The following IL1R1 variants were observed in gnomAD, a reference collection of about 807,000 sequenced individuals.
IL1R1 encodes the protein interleukin-1 receptor type 1.
IL1R1 carries 22 observed loss-of-function variants against 50.2 expected under a neutral mutation model. That is an observed-to-expected ratio of 0.44 (90% CI 0.31 to 0.63). The LOEUF is 0.63. IL1R1 is among the 20% of genes least tolerant of loss of function. IL1R1 has a pLI of 0.07. For synonymous variants in IL1R1, 251 were observed against 236.7 expected (o/e 1.06, Z -0.55); for missense variants, 509 against 676.2 (o/e 0.75, Z 2.74).
chr2:102,141,427 C>T (rs2871448), upstream of IL1R1, among the ~76,000 whole-genome samples: 1 of 152,228 alleles, frequency 6.6e-6, no homozygotes, highest in African/African-American at 2.4e-5. Context: ...AAGGAATTCT[C>T]TTAATGCTAC....
At chr2:102,118,547 T>C (rs1681220164) in intron 1 of IL1R1, among the ~76,000 whole-genome samples, 1 of 152,128 alleles carries the variant, frequency 6.6e-6, no homozygotes, top group African/African-American at 2.4e-5. Flanking sequence ...GTATCTGAAA[T>C]GGGGGGCAGT....
At chr2:102,172,604 A>G in intron 8 of IL1R1, 83 bp from the exon 9 acceptor site, 1 of 1,219,728 alleles carries the variant, frequency 8.2e-7, no homozygotes, top group Non-Finnish European at 1.1e-6. Context: ...GTCACAAATA[A>G]GGAAATACAC....
At chr2:102,171,744 T>G in intron 7 of IL1R1, 57 bp from the exon 8 acceptor site, 1 of 1,004,540 alleles carries the variant, frequency 1.0e-6, no homozygotes, top group Non-Finnish European at 1.5e-6. Flanking sequence ...CATTTATTAA[T>G]CTAGATAGAT....
intron 1 of IL1R1, among the ~76,000 whole-genome samples, chr2:102,116,567 C>T (rs1264076392): frequency 6.6e-6 from 1 of 152,108 alleles, no homozygotes; most frequent in Non-Finnish European, 1.5e-5. Flanking sequence ...TTCATAAGTG[C>T]TGTTGGTGAT....
chr2:102,169,597 C>A (rs1396346474), intron 7 of IL1R1, among the ~76,000 whole-genome samples: 1 of 152,200 alleles, frequency 6.6e-6, no homozygotes, highest in Non-Finnish European at 1.5e-5. Flanking sequence ...GAATTGTCCT[C>A]TGTAATAGTA....
At chr2:102,124,931 A>G (rs985257896) in intron 1 of IL1R1, among the ~76,000 whole-genome samples, 5 of 150,830 alleles carry the variant, frequency 3.3e-5, no homozygotes, top group African/African-American at 1.2e-4. Flanking sequence ...ATAAAAAAAA[A>G]TAAGACCTCC....
At chr2:102,140,935 G>A (rs193207013), upstream of IL1R1, among the ~76,000 whole-genome samples, 536 of 152,326 alleles carry the variant, frequency 3.5e-3, 5 homozygotes, top group Non-Finnish European at 6.3e-3. Context: ...ACACTGGGTA[G>A]GAGTGGCTGA....
intron 1 of IL1R1, among the ~76,000 whole-genome samples, chr2:102,073,234 A>T (rs764780355): frequency 6.6e-6 from 1 of 152,156 alleles, no homozygotes; most frequent in Admixed American, 6.6e-5. Flanking sequence ...CATTCTGGGG[A>T]CCACGGATAC....
At chr2:102,071,024 G>T (rs1052293881) in intron 1 of IL1R1, among the ~76,000 whole-genome samples, 8 of 151,798 alleles carry the variant, frequency 5.3e-5, no homozygotes, top group Non-Finnish European at 7.4e-5. Flanking sequence ...TAAGGATAAG[G>T]TTATGTAAAT....
chr2:102,072,697 T>G (rs1678784503), intron 1 of IL1R1, among the ~76,000 whole-genome samples: 1 of 152,224 alleles, frequency 6.6e-6, no homozygotes, highest in Non-Finnish European at 1.5e-5. Context: ...ATTATAAACA[T>G]TAAACCTTGA....
At chr2:102,110,374 G>T (rs1385137836) in intron 1 of IL1R1, among the ~76,000 whole-genome samples, 1 of 152,064 alleles carries the variant, frequency 6.6e-6, no homozygotes, top group Admixed American at 6.5e-5. Flanking sequence ...AAGCAGAATT[G>T]TGGGGTCAGA....
chr2:102,177,218 T>A lies in IL1R1; in HGVS notation c.*459T>A. 1 of 178,394 alleles carries A rather than the reference T, an allele frequency of 5.6e-6. No homozygotes were observed. Among genetic ancestry groups the A allele is most frequent in the Non-Finnish European group, 1.2e-5 (1 of 82,048 alleles). 11.1% of individuals were successfully genotyped at this position (178,394 alleles called of 1,614,324 possible). On this transcript the variant is annotated 3_prime_UTR_variant, in exon 12 of 12. Coordinates refer to ENST00000410023, the MANE Select transcript of IL1R1 (RefSeq NM_000877.4). The stretch of plus-strand genomic sequence containing the variant: ...GAGACGGAGGTTGCAGTGAGCCGAG[T>A]TTGGGCCACTGCACTCTAGCCTGGC...
At position 102,076,217 on chromosome 2, in the gene IL1R1, G is replaced by A. The variant is rs112173293; in HGVS notation, c.-84+5684G>A. ...TTTTGAGATGGAATCTCACTCTGTC[G>A]CCTAGGCTGGAATGCAGTGGTGTGA... On this transcript the variant is annotated intron_variant, in intron 1 of 11. Transcript: ENST00000409929. Among the ~76,000 whole-genome samples the A allele has an allele frequency of 4.5e-4, 65 of 144,906 alleles. 1 individual carries two copies. The highest frequency in any genetic ancestry group is 7.7e-4 in the Non-Finnish European group (52 of 67,110).
chr2:102,111,545 T>A (rs1258207110), intron 1 of IL1R1, among the ~76,000 whole-genome samples: 1 of 152,176 alleles, frequency 6.6e-6, no homozygotes, highest in Non-Finnish European at 1.5e-5. Context: ...CAACCTGTGC[T>A]AAGCCCTGTG....
intron 1 of IL1R1, among the ~76,000 whole-genome samples, chr2:102,124,580 G>A (rs1324235963): frequency 4.6e-5 from 7 of 152,160 alleles, no homozygotes; most frequent in East Asian, 3.8e-4. Context: ...GGTGGCAGGC[G>A]GGAGAAGTGA....
chr2:102,170,300 T>C (rs1685561986), intron 7 of IL1R1, among the ~76,000 whole-genome samples: 1 of 152,184 alleles, frequency 6.6e-6, no homozygotes, highest in Non-Finnish European at 1.5e-5. Flanking sequence ...CAATAGTCAC[T>C]AATATTCTTC....
intron 1 of IL1R1, among the ~76,000 whole-genome samples, chr2:102,083,847 G>A (rs1480406193): frequency 1.3e-5 from 2 of 151,992 alleles, no homozygotes; most frequent in Admixed American, 1.3e-4. Context: ...AGGAGGCTGA[G>A]GCAGGAGAAT....
intron 3 of IL1R1, among the ~76,000 whole-genome samples, chr2:102,160,931 T>C (rs2104551649): frequency 6.6e-6 from 1 of 152,332 alleles, no homozygotes; most frequent in East Asian, 1.9e-4. Context: ...CTCTGTTTTG[T>C]CACTCAGTCA....
chr2:102,141,281 C>T (rs1378185522), upstream of IL1R1, among the ~76,000 whole-genome samples: 1 of 152,246 alleles, frequency 6.6e-6, no homozygotes, highest in Non-Finnish European at 1.5e-5. Flanking sequence ...AAAACACTGC[C>T]TTTTGGGCCT....
Sources: gnomAD v4.1 joint callset for allele counts (sites outside exome capture counted in the v4.1 genomes callset) on GRCh38, gnomAD v4.1.1 for gene constraint, MANE v1.5 for transcripts, NCBI Gene and HGNC (gene_info 2026-07-23, HGNC 2026-07-21) for gene names.